Variants in FAT3 observed in about 807,000 individuals in gnomAD.
FAT3 encodes protocadherin Fat 3.
In FAT3, 95 loss-of-function variants were observed where a neutral mutation model predicts 310.2. The ratio of observed to expected loss-of-function variants is 0.31; its 90% confidence interval spans 0.26 to 0.36. The LOEUF (loss-of-function observed/expected upper bound fraction) is 0.36, where lower values mean the gene tolerates loss of function less well. Among genes scored for constraint, FAT3 ranks in the 10% least tolerant of loss-of-function variants. The pLI, the probability that FAT3 is intolerant of heterozygous loss-of-function variation, is 1.00. For missense variants in FAT3, 5,408 were observed against 5,715.6 expected (o/e 0.95, Z 1.74); for synonymous variants, 2,314 against 2,192.9 (o/e 1.06, Z -1.54).
chr11:92,475,667 A>G (rs981494439), intron 2 of FAT3, among the ~76,000 whole-genome samples: 1 of 152,350 alleles, frequency 6.6e-6, no homozygotes, highest in South Asian at 2.1e-4. Context: ...GCAAAATAAC[A>G]AAAAGCAAAG....
intron 3 of FAT3, among the ~76,000 whole-genome samples, chr11:92,553,997 G>A (rs905667135): frequency 3.3e-5 from 5 of 151,762 alleles, no homozygotes; most frequent in African/African-American, 1.2e-4. Flanking sequence ...GTAGAGACGG[G>A]ATTTCACCAT....
chr11:92,798,657 GT>G lies in FAT3; in HGVS notation c.5649del (p.Phe1883LeufsTer21). Reference sequence around the variant, plus strand: ...GACAGATGTGAATGATAACCCACCTGTTTTTACTCAGGCTGTGTTTGAGACT... The same window carrying G: ...GACAGATGTGAATGATAACCCACCTGTTTTACTCAGGCTGTGTTTGAGACT... Reference protein sequence around the residue: ...EVTDVNDNPPVFTQAVFETIL... With the variant: ...EVTDVNDNPPXFTQAVFETIL... On this transcript the variant is annotated frameshift_variant, in exon 10 of 28. Transcript: ENST00000525166. LOFTEE classifies it high-confidence loss of function. 2 of 1,613,712 alleles carry G rather than the reference GT, an allele frequency of 1.2e-6. No homozygotes were observed. The highest frequency in any genetic ancestry group is 1.7e-6 in the Non-Finnish European group (2 of 1,179,824).
At chr11:92,543,945 T>G (rs1468743896) in intron 3 of FAT3, among the ~76,000 whole-genome samples, 2 of 152,210 alleles carry the variant, frequency 1.3e-5, no homozygotes, top group Non-Finnish European at 2.9e-5. Context: ...CAGTCCTTCA[T>G]TTCACTTTTA....
intron 2 of FAT3, among the ~76,000 whole-genome samples, chr11:92,465,926 G>C (rs1195023686): frequency 6.6e-6 from 1 of 152,098 alleles, no homozygotes; most frequent in African/African-American, 2.4e-5. Context: ...ATTCCTAAGA[G>C]TAAAACATCA....
chr11:92,749,951 A>G (rs1049677149), intron 4 of FAT3, among the ~76,000 whole-genome samples: 2 of 152,220 alleles, frequency 1.3e-5, no homozygotes, highest in Non-Finnish European at 2.9e-5. Flanking sequence ...CCATTAGGAT[A>G]CATACAGAAA....
chr11:92,826,074 A>G (rs1948096612), intron 13 of FAT3, among the ~76,000 whole-genome samples: 1 of 152,144 alleles, frequency 6.6e-6, no homozygotes, highest in South Asian at 2.1e-4. Context: ...TCTCAAGTCA[A>G]TGCCTAGAGT....
chr11:92,380,451 T>G (rs1349868181), intron 2 of FAT3, among the ~76,000 whole-genome samples: 1 of 152,164 alleles, frequency 6.6e-6, no homozygotes, highest in Non-Finnish European at 1.5e-5. Flanking sequence ...TTCTTTTGTT[T>G]TTGTTTGAAC....
At position 92,704,504 on chromosome 11, in the gene FAT3, G is replaced by C. The variant is rs986803387; in HGVS notation, c.3669+7059G>C. Reference sequence around the variant, plus strand: ...AATGTGACTGGATTTGGAAAGAAGAGTCTTTAAAGAGGTCATTAAATGAAA... The same window carrying C: ...AATGTGACTGGATTTGGAAAGAAGACTCTTTAAAGAGGTCATTAAATGAAA... On this transcript the variant is annotated intron_variant, in intron 4 of 27. Coordinates refer to ENST00000525166, the MANE Select transcript of FAT3 (RefSeq NM_001367949.2). Among the ~76,000 whole-genome samples the C allele has an allele frequency of 2.0e-5, 3 of 152,184 alleles. No homozygotes were observed. In the East Asian group the frequency reaches 5.8e-4, roughly 29 times the overall value.
In FAT3 at chr11:92,835,345, TA is replaced by T. The variant is rs10718074; in HGVS notation, c.10086+265del. 6.6e-3 allele frequency among the ~76,000 whole-genome samples: 1,007 copies of T among 152,208 alleles called. 6 individuals are homozygous for T. Among genetic ancestry groups the T allele is most frequent in the African/African-American group, 0.023 (947 of 41,520 alleles). Reference sequence around the variant, plus strand: ...CAGGAGCATATCTTTTTTGAGAAAATAAAACAGACCATGGGATGAATTTTTA... The same window carrying T: ...CAGGAGCATATCTTTTTTGAGAAAATAAACAGACCATGGGATGAATTTTTA... On this transcript the variant is annotated intron_variant, in intron 15 of 27. Transcript: ENST00000525166.
At position 92,772,348 on chromosome 11, in the gene FAT3, T is replaced by C. The variant is rs530608524; in HGVS notation, c.4196-1693T>C. 3.3e-5 allele frequency among the ~76,000 whole-genome samples: 5 copies of C among 152,282 alleles called. No individual in the cohort carries two copies. In the East Asian group the frequency reaches 9.6e-4, roughly 29 times the overall value. The stretch of plus-strand genomic sequence containing the variant: ...TTTTTTCTCAGAATGTACCGCTTAA[T>C]AGCAAATGATCATGTTTTTTTTCTC... On this transcript the variant is annotated intron_variant, in intron 6 of 27. Coordinates refer to ENST00000525166, the MANE Select transcript of FAT3 (RefSeq NM_001367949.2).
intron 2 of FAT3, among the ~76,000 whole-genome samples, chr11:92,367,449 T>TA (rs1263562086): frequency 1.3e-5 from 2 of 151,628 alleles, no homozygotes; most frequent in East Asian, 3.9e-4. Context: ...ATAAATTAAT[T>TA]AAAAAATAAA....
rs568249690 is a variant in FAT3, at chr11:92,549,677, A to T, written c.3607+24729A>T. Among the ~76,000 whole-genome samples the T allele has an allele frequency of 2.6e-5, 4 of 152,350 alleles. No homozygotes were observed. In the South Asian group the frequency reaches 8.3e-4, roughly 32 times the overall value. ...CACAATAACACACTGAAGTGATATT[A>T]TATAATGTGGCATTATATAATCACT... On this transcript the variant is annotated intron_variant, in intron 3 of 27. Coordinates refer to ENST00000525166, the MANE Select transcript of FAT3 (RefSeq NM_001367949.2).
At chr11:92,421,013 C>T (rs921792073) in intron 2 of FAT3, among the ~76,000 whole-genome samples, 8 of 152,186 alleles carry the variant, frequency 5.3e-5, no homozygotes, top group Admixed American at 6.5e-5. Flanking sequence ...TTTCCATTAG[C>T]GGATGTTTTC....
intron 2 of FAT3, among the ~76,000 whole-genome samples, chr11:92,380,910 AC>A (rs1448449615): frequency 2.0e-5 from 3 of 152,176 alleles, no homozygotes; most frequent in Non-Finnish European, 4.4e-5. Flanking sequence ...TTTAAAGTGT[AC>A]CTTTCAGTGG....
intron 3 of FAT3, among the ~76,000 whole-genome samples, chr11:92,627,185 C>A (rs990026393): frequency 6.6e-6 from 1 of 151,948 alleles, no homozygotes. Context: ...AATGAATGTT[C>A]GTCGCTGATT....
At chr11:92,291,669 T>A (rs1946700900) in intron 1 of FAT3, among the ~76,000 whole-genome samples, 2 of 152,090 alleles carry the variant, frequency 1.3e-5, no homozygotes, top group African/African-American at 4.8e-5. Flanking sequence ...ACAGATAAAA[T>A]TCCAATCTAC....
At chr11:92,889,086 A>T in intron 25 of FAT3, 103 bp from the exon 26 acceptor site, 1 of 571,144 alleles carries the variant, frequency 1.8e-6, no homozygotes, top group Non-Finnish European at 3.2e-6. Flanking sequence ...CCGCACCTTC[A>T]TTGTTGCTGT....
rs1039354677 is a variant in FAT3 at position 92,893,243 on chromosome 11, T to C, written c.*2130T>C. ...ACAAGTTTTCCAGCCTTTCTCTTCC[T>C]GTCTCTTGGTCAGACCTACTCATGG... On this transcript the variant is annotated 3_prime_UTR_variant, in exon 28 of 28. Transcript: ENST00000525166. The C allele has an allele frequency of 2.6e-5, 4 of 152,218 alleles. No individual in the cohort carries two copies. The highest frequency in any genetic ancestry group is 9.6e-5 in the African/African-American group (4 of 41,458). 9.4% of individuals were successfully genotyped at this position (152,218 alleles called of 1,614,324 possible).
intron 3 of FAT3, among the ~76,000 whole-genome samples, chr11:92,656,780 A>G (rs1223192667): frequency 6.6e-6 from 1 of 152,216 alleles, no homozygotes; most frequent in Non-Finnish European, 1.5e-5. Flanking sequence ...AGAGGACTTT[A>G]TCAGCTTGGA....
Sources: allele counts gnomAD v4.1 joint callset (sites outside exome capture counted in the v4.1 genomes callset), GRCh38; gene constraint gnomAD v4.1.1; transcripts MANE v1.5; gene names NCBI Gene and HGNC (gene_info 2026-07-23, HGNC 2026-07-21).